Variants in ANKS1B observed in about 807,000 individuals in gnomAD.
ANKS1B encodes ankyrin repeat and sterile alpha motif domain-containing protein 1B.
ANKS1B carries 36 observed loss-of-function variants against 148.3 expected under a neutral mutation model. That is an observed-to-expected ratio of 0.24 (90% CI 0.19 to 0.32). The LOEUF (loss-of-function observed/expected upper bound fraction) is 0.32, where lower values mean the gene tolerates loss of function less well. Among genes scored for constraint, ANKS1B ranks in the 10% least tolerant of loss-of-function variants. The pLI is 1.00. For synonymous variants in ANKS1B, 542 were observed against 560.8 expected (o/e 0.97, Z 0.47); for missense variants, 1,157 against 1,542.6 (o/e 0.75, Z 4.19).
At chr12:98,868,812 T>C (rs1251784892) in intron 17 of ANKS1B, among the ~76,000 whole-genome samples, 2 of 152,236 alleles carry the variant, frequency 1.3e-5, no homozygotes, top group Non-Finnish European at 2.9e-5. Flanking sequence ...CTTTCCTCTG[T>C]TCCTAAAATA....
intron 22 of ANKS1B, among the ~76,000 whole-genome samples, chr12:98,791,728 G>A (rs544405656): frequency 7.9e-5 from 12 of 152,268 alleles, no homozygotes; most frequent in Admixed American, 5.9e-4. Context: ...CAGCTCAACA[G>A]AGACTTTTAA....
intron 1 of ANKS1B, among the ~76,000 whole-genome samples, chr12:99,898,694 G>A (rs995150162): frequency 6.6e-6 from 1 of 152,154 alleles, no homozygotes; most frequent in Non-Finnish European, 1.5e-5. Context: ...AAAGATTGGA[G>A]GGGGGAGGTT....
At chr12:99,785,682 G>A (rs1602110513) in intron 4 of ANKS1B, among the ~76,000 whole-genome samples, 1 of 152,104 alleles carries the variant, frequency 6.6e-6, no homozygotes, top group Non-Finnish European at 1.5e-5. Context: ...ATCCGCCCAC[G>A]TCAGCCTCCC....
intron 17 of ANKS1B, among the ~76,000 whole-genome samples, chr12:99,052,736 A>AAAAAAAG (rs2099967013): frequency 7.2e-6 from 1 of 139,846 alleles, no homozygotes; most frequent in East Asian, 2.4e-4. Context: ...CTCCGTCTCA[A>AAAAAAAG]AAAAAAAAAA....
rs554939456 is a variant in ANKS1B at position 99,904,388 on chromosome 12, C to T, written c.135-78999G>A. On this transcript the variant is annotated intron_variant, in intron 1 of 26. Coordinates refer to ENST00000683438, the MANE Select transcript of ANKS1B (RefSeq NM_001352186.2). ...TGTATTTTTAGTAGAAGAGGGGTTT[C>T]ACCATGTTGGCCATGCTGGTCTCAA... Among the ~76,000 whole-genome samples the T allele has an allele frequency of 4.6e-5, 7 of 152,076 alleles. No homozygotes were observed. The East Asian group carries it at 1.4e-3, about 29-fold the overall frequency.
intron 17 of ANKS1B, among the ~76,000 whole-genome samples, chr12:98,941,863 G>A (rs1280137841): frequency 2.0e-5 from 3 of 152,066 alleles, no homozygotes; most frequent in Non-Finnish European, 4.4e-5. Flanking sequence ...AAATTTCTTT[G>A]GCCAGCTGTG....
intron 14 of ANKS1B, among the ~76,000 whole-genome samples, chr12:99,173,433 T>C (rs1333453121): frequency 6.6e-6 from 1 of 152,168 alleles, no homozygotes; most frequent in African/African-American, 2.4e-5. Context: ...TTCAGAGAAT[T>C]TGACCCTCAA....
chr12:99,674,271 G>A (rs2098551636), intron 8 of ANKS1B, among the ~76,000 whole-genome samples: 1 of 151,796 alleles, frequency 6.6e-6, no homozygotes, highest in Non-Finnish European at 1.5e-5. Context: ...TACATAAAGT[G>A]AGGGCTGAAA....
intron 15 of ANKS1B, among the ~76,000 whole-genome samples, chr12:99,114,706 C>G (rs118016700): frequency 0.032 from 4,875 of 151,782 alleles, 110 homozygotes; most frequent in Non-Finnish European, 0.046. Flanking sequence ...GAGCCGAGAC[C>G]GTACCACTGT....
intron 16 of ANKS1B, among the ~76,000 whole-genome samples, chr12:99,083,119 T>C (rs1409377538): frequency 6.6e-6 from 1 of 152,196 alleles, no homozygotes; most frequent in Non-Finnish European, 1.5e-5. Flanking sequence ...CTCAGTGAAT[T>C]TGCAAAAGGA....
intron 14 of ANKS1B, among the ~76,000 whole-genome samples, chr12:99,177,598 C>A (rs1482724222): frequency 6.6e-6 from 1 of 152,222 alleles, no homozygotes; most frequent in East Asian, 1.9e-4. Flanking sequence ...AGCAAGTTTA[C>A]ACTTATGTAT....
At chr12:98,950,383 G>A (rs985675283) in intron 17 of ANKS1B, among the ~76,000 whole-genome samples, 3 of 152,144 alleles carry the variant, frequency 2.0e-5, no homozygotes, top group Admixed American at 6.5e-5. Flanking sequence ...TGTAATCCCA[G>A]CTACTTAGGA....
chr12:98,805,568 T>C (rs2099044858), intron 20 of ANKS1B, among the ~76,000 whole-genome samples: 1 of 152,190 alleles, frequency 6.6e-6, no homozygotes, highest in Non-Finnish European at 1.5e-5. Context: ...CATTCTCTTA[T>C]ACCAACAACT....
chr12:99,962,564 C>T (rs910567992), intron 1 of ANKS1B, among the ~76,000 whole-genome samples: 1 of 152,108 alleles, frequency 6.6e-6, no homozygotes. Context: ...AGTATATACC[C>T]AGTAATGGTA....
At chr12:99,116,289 A>G (rs1368647965) in intron 15 of ANKS1B, among the ~76,000 whole-genome samples, 2 of 152,086 alleles carry the variant, frequency 1.3e-5, no homozygotes, top group Non-Finnish European at 2.9e-5. Context: ...TATACTGGGG[A>G]CACTATAGCT....
At chr12:98,877,259 C>A (rs2099693640) in intron 17 of ANKS1B, among the ~76,000 whole-genome samples, 1 of 152,160 alleles carries the variant, frequency 6.6e-6, no homozygotes, top group Non-Finnish European at 1.5e-5. Flanking sequence ...TAAGAAGGAG[C>A]CAAGGTATCA....
rs138617065 is a variant in ANKS1B at position 99,793,366 on chromosome 12, C to A, written c.670-11269G>T. On this transcript the variant is annotated intron_variant, in intron 4 of 26. Coordinates refer to ENST00000683438, the MANE Select transcript of ANKS1B (RefSeq NM_001352186.2). ...AAAATTTATACAGAATCACCAAATA[C>A]CCAGAATAGCCAAAGCAAACCTGAG... Among the ~76,000 whole-genome samples the A allele has an allele frequency of 3.6e-3, 550 of 151,912 alleles. 4 individuals carry two copies. Among genetic ancestry groups the A allele is most frequent in the African/African-American group, 0.012 (506 of 41,538 alleles).
At chr12:98,790,291 G>A (rs2098836545) in intron 22 of ANKS1B, among the ~76,000 whole-genome samples, 2 of 152,174 alleles carry the variant, frequency 1.3e-5, no homozygotes, top group South Asian at 4.1e-4. Flanking sequence ...TACAGGGTAT[G>A]TTTGGATTCC....
At chr12:99,439,065 A>T (rs2095506825) in intron 11 of ANKS1B, among the ~76,000 whole-genome samples, 1 of 151,840 alleles carries the variant, frequency 6.6e-6, no homozygotes, top group South Asian at 2.1e-4. Flanking sequence ...AAACAATTAA[A>T]ATATGAAAGC....
Sources: allele counts gnomAD v4.1 joint callset (sites outside exome capture counted in the v4.1 genomes callset), GRCh38; gene constraint gnomAD v4.1.1; transcripts MANE v1.5; gene names NCBI Gene and HGNC (gene_info 2026-07-23, HGNC 2026-07-21).